Variants in EGFR observed in about 807,000 individuals in gnomAD.
The protein encoded by EGFR is epidermal growth factor receptor, also known as avian erythroblastic leukemia viral (v-erb-b) oncogene homolog.
Under a neutral mutation model 143.0 loss-of-function variants are expected in EGFR, and 58 were observed. That is an observed-to-expected ratio of 0.41 (90% CI 0.33 to 0.50). EGFR has a LOEUF of 0.50. EGFR is among the 20% of genes least tolerant of loss of function. The pLI is 0.39. For missense variants in EGFR, 1,307 were observed against 1,579.0 expected, an observed-to-expected ratio of 0.83 and a Z score of 2.92; for synonymous variants, 613 against 594.4, an observed-to-expected ratio of 1.03 and a Z score of -0.45.
At chr7:55,123,267 G>A (rs1793319656) in intron 1 of EGFR, among the ~76,000 whole-genome samples, 1 of 152,220 alleles carries the variant, frequency 6.6e-6, no homozygotes. Context: ...TCAAGGTATT[G>A]TGGTGATATT....
intron 12 of EGFR, 40 bp downstream of exon 12, chr7:55,160,378 T>C (rs1785638083): frequency 1.3e-6 from 2 of 1,591,378 alleles, no homozygotes; most frequent in Admixed American, 1.7e-5. Flanking sequence ...GAGTTGGTTC[T>C]AATGGGTCCT....
chr7:55,111,217 A>G (rs1159956752), intron 1 of EGFR, among the ~76,000 whole-genome samples: 1 of 152,122 alleles, frequency 6.6e-6, no homozygotes, highest in Non-Finnish European at 1.5e-5. Context: ...TTCTTACACC[A>G]AAGTGCACTA....
At chr7:55,124,051 C>A (rs1363198943) in intron 1 of EGFR, among the ~76,000 whole-genome samples, 1 of 151,970 alleles carries the variant, frequency 6.6e-6, no homozygotes, top group African/African-American at 2.4e-5. Flanking sequence ...TTAATGTATG[C>A]GTGTAGTTCT....
At chr7:55,099,557 G>T (rs1791680053) in intron 1 of EGFR, among the ~76,000 whole-genome samples, 1 of 152,196 alleles carries the variant, frequency 6.6e-6, no homozygotes, top group Non-Finnish European at 1.5e-5. Context: ...AGAGTATTTG[G>T]CACTTTGCAG....
At chr7:55,061,649 T>TGTGAGA (rs1432070752) in intron 1 of EGFR, among the ~76,000 whole-genome samples, 51 of 132,812 alleles carry the variant, frequency 3.8e-4, no homozygotes, top group South Asian at 9.8e-4. Context: ...TGTGTGTGTG[T>TGTGAGA]GAGAGAGAGA....
chr7:55,055,101 CA>C (rs17335850), intron 1 of EGFR, among the ~76,000 whole-genome samples: 5,887 of 152,272 alleles, frequency 0.039, 156 homozygotes, highest in Middle Eastern at 0.18. Context: ...TTTGGGTCCC[CA>C]TAATAACTGA....
At chr7:55,113,098 C>G (rs1350992219) in intron 1 of EGFR, among the ~76,000 whole-genome samples, 1 of 152,184 alleles carries the variant, frequency 6.6e-6, no homozygotes, top group African/African-American at 2.4e-5. Context: ...GGCTGTCTGC[C>G]AGGGGAGCAG....
intron 20 of EGFR, among the ~76,000 whole-genome samples, chr7:55,190,931 G>T (rs1278153347): frequency 6.6e-6 from 1 of 152,176 alleles, no homozygotes; most frequent in African/African-American, 2.4e-5. Context: ...AGGAGGAGCA[G>T]GGGTCAGCAG....
chr7:55,177,790 G>A (rs1359377303), intron 19 of EGFR, among the ~76,000 whole-genome samples: 2 of 152,264 alleles, frequency 1.3e-5, no homozygotes, highest in Admixed American at 6.5e-5. Flanking sequence ...CTGCCTGCCA[G>A]CCTGTGGGTG....
At chr7:55,159,913 C>T (rs1347300190) in intron 11 of EGFR, among the ~76,000 whole-genome samples, 1 of 152,140 alleles carries the variant, frequency 6.6e-6, no homozygotes, top group African/African-American at 2.4e-5. Context: ...CCCCATCTGC[C>T]ACTGGGTTAA....
intron 3 of EGFR, among the ~76,000 whole-genome samples, chr7:55,144,192 T>C (rs17336352): frequency 0.022 from 3,359 of 152,284 alleles, 51 homozygotes; most frequent in Middle Eastern, 0.037. Context: ...TATGATGGCA[T>C]CCTATCTGGC....
At chr7:55,071,306 C>T (rs144511025) in intron 1 of EGFR, among the ~76,000 whole-genome samples, 2 of 152,282 alleles carry the variant, frequency 1.3e-5, no homozygotes, top group Non-Finnish European at 2.9e-5. Flanking sequence ...TATATTTTCA[C>T]GTGAAGACTT....
intron 1 of EGFR, among the ~76,000 whole-genome samples, chr7:55,033,977 T>A (rs897916953): frequency 1.3e-5 from 2 of 152,250 alleles, no homozygotes; most frequent in Middle Eastern, 3.4e-3. Flanking sequence ...ACTGGCCCAT[T>A]TCTTGTTTTT....
At chr7:55,023,605 C>G (rs928531284) in intron 1 of EGFR, among the ~76,000 whole-genome samples, 9 of 145,640 alleles carry the variant, frequency 6.2e-5, no homozygotes, top group Non-Finnish European at 1.2e-4. Context: ...GAGCCAAGAT[C>G]GCACCATTGC....
intron 1 of EGFR, among the ~76,000 whole-genome samples, chr7:55,112,120 G>C (rs1792536679): frequency 1.3e-5 from 2 of 152,202 alleles, no homozygotes; most frequent in African/African-American, 4.8e-5. Flanking sequence ...AGGGCAGCAA[G>C]GTCCCCCTAC....
At chr7:55,057,571 T>G (rs1018247241) in intron 1 of EGFR, among the ~76,000 whole-genome samples, 1 of 152,230 alleles carries the variant, frequency 6.6e-6, no homozygotes, top group Non-Finnish European at 1.5e-5. Context: ...GAGGTGTGGT[T>G]TCATTAGAAC....
chr7:55,089,284 G>A (rs938698493), intron 1 of EGFR, among the ~76,000 whole-genome samples: 3 of 152,106 alleles, frequency 2.0e-5, no homozygotes, highest in Admixed American at 6.5e-5. Flanking sequence ...GCTTGTTCTG[G>A]GCTTTGCAGC....
At chr7:55,176,845 G>C (rs949886071) in intron 19 of EGFR, among the ~76,000 whole-genome samples, 1 of 143,720 alleles carries the variant, frequency 7.0e-6, no homozygotes, top group African/African-American at 2.5e-5. Context: ...TATATATTTA[G>C]AGAGATATAT....
chr7:55,105,036 G>C (rs1367755652), intron 1 of EGFR, among the ~76,000 whole-genome samples: 1 of 152,228 alleles, frequency 6.6e-6, no homozygotes, highest in Non-Finnish European at 1.5e-5. Flanking sequence ...ACTTTATGCT[G>C]CAGGGGTGCC....
Sources: gnomAD v4.1 joint callset for allele counts (sites outside exome capture counted in the v4.1 genomes callset) on GRCh38, gnomAD v4.1.1 for gene constraint, MANE v1.5 for transcripts, NCBI Gene and HGNC (gene_info 2026-07-23, HGNC 2026-07-21) for gene names.